Variants in ZNF407 observed in about 807,000 individuals in gnomAD.
ZNF407 encodes the protein zinc finger protein 407.
In ZNF407, 17 loss-of-function variants were observed where a neutral mutation model predicts 131.2. The observed-to-expected ratio is 0.13, with a 90% CI of 0.09 to 0.19. The LOEUF (loss-of-function observed/expected upper bound fraction) is 0.19, where lower values mean the gene tolerates loss of function less well. Ranked by LOEUF, ZNF407 falls within the 10% of genes least tolerant of loss-of-function variation. ZNF407 has a pLI of 1.00. For synonymous variants in ZNF407, 1,156 were observed against 1,062.0 expected, an observed-to-expected ratio of 1.09 and a Z score of -1.72; for missense variants, 2,681 against 2,830.6, an observed-to-expected ratio of 0.95 and a Z score of 1.20.
chr18:75,047,523 C>T (rs1259343050), intron 8 of ZNF407, among the ~76,000 whole-genome samples: 1 of 151,976 alleles, frequency 6.6e-6, no homozygotes. Context: ...GTAATAGAGG[C>T]TTTTCCAAGA....
At chr18:75,012,004 A>G (rs1246964112) in intron 8 of ZNF407, among the ~76,000 whole-genome samples, 1 of 152,186 alleles carries the variant, frequency 6.6e-6, no homozygotes, top group Non-Finnish European at 1.5e-5. Flanking sequence ...ATCATGTGAC[A>G]TATTAAAACT....
intron 8 of ZNF407, among the ~76,000 whole-genome samples, chr18:75,000,349 A>G (rs1972830604): frequency 6.6e-6 from 1 of 152,252 alleles, no homozygotes; most frequent in East Asian, 1.9e-4. Context: ...AACGGTTGTG[A>G]AAGTGTTTTG....
intron 1 of ZNF407, among the ~76,000 whole-genome samples, chr18:74,626,018 T>A (rs1427468231): frequency 3.9e-5 from 6 of 152,256 alleles, no homozygotes; most frequent in Non-Finnish European, 5.9e-5. Flanking sequence ...GAGGAAATGT[T>A]GGTTAAACAC....
intron 3 of ZNF407, among the ~76,000 whole-genome samples, chr18:74,774,276 G>T (rs1427677943): frequency 1.3e-5 from 2 of 152,054 alleles, no homozygotes; most frequent in African/African-American, 4.8e-5. Flanking sequence ...AGGAATGATA[G>T]AACATTGGTA....
chr18:74,635,806 C>T lies in ZNF407; in HGVS notation c.4687+100C>T, dbSNP rs571447603. ...CTGTGGCTGCTCATTGGCTTTCCAC[C>T]CGGTTCACATTTCACTGCCGTGTGC... On this transcript the variant is annotated intron_variant, in intron 2 of 8. Transcript: ENST00000299687. The surrounding 1 kb of genome is among the most constrained non-coding windows in gnomAD (Gnocchi z 4.7). The T allele has an allele frequency of 1.4e-6, 2 of 1,470,358 alleles. No homozygotes were observed. The highest frequency in any genetic ancestry group is 2.3e-5 in the Admixed American group (1 of 43,072). The allele number at this position is 1,470,358 out of a possible 1,614,324, so 91.1% of individuals were successfully genotyped here. A position where few individuals can be genotyped will look rare whatever the true frequency, so the allele number is the denominator to read the frequency against.
At chr18:74,781,220 A>G (rs543435495) in intron 3 of ZNF407, among the ~76,000 whole-genome samples, 48 of 152,264 alleles carry the variant, frequency 3.2e-4, no homozygotes, top group Non-Finnish European at 6.2e-4. Flanking sequence ...TCCAAGTCAA[A>G]ACTGAACCAG....
chr18:74,733,401 A>G (rs1025874438), intron 3 of ZNF407, among the ~76,000 whole-genome samples: 1 of 152,104 alleles, frequency 6.6e-6, no homozygotes, highest in African/African-American at 2.4e-5. Flanking sequence ...CTTCTTTCAA[A>G]AGTAACCCCA....
intron 8 of ZNF407, among the ~76,000 whole-genome samples, chr18:74,962,607 C>G (rs1177373906): frequency 2.0e-5 from 3 of 152,232 alleles, no homozygotes; most frequent in Non-Finnish European, 4.4e-5. Context: ...TACGGGTATA[C>G]GCCAAATATG....
chr18:75,002,342 T>C (rs1472232178), intron 8 of ZNF407, among the ~76,000 whole-genome samples: 1 of 152,172 alleles, frequency 6.6e-6, no homozygotes, highest in Non-Finnish European at 1.5e-5. Flanking sequence ...TCTCCCTCGC[T>C]AGGAGCCCTC....
chr18:74,660,574 C>T (rs899798510), intron 3 of ZNF407, among the ~76,000 whole-genome samples: 1 of 152,010 alleles, frequency 6.6e-6, no homozygotes, highest in Non-Finnish European at 1.5e-5. Flanking sequence ...CTAGAAACTA[C>T]ACGTTAGCAG....
intron 1 of ZNF407, among the ~76,000 whole-genome samples, chr18:74,611,025 T>G (rs1002579639): frequency 6.6e-6 from 1 of 152,252 alleles, no homozygotes; most frequent in Non-Finnish European, 1.5e-5. Context: ...CTAATGAATA[T>G]TCCATCACTT....
intron 1 of ZNF407, among the ~76,000 whole-genome samples, chr18:74,604,570 G>A (rs1310549753): frequency 6.6e-6 from 1 of 152,230 alleles, no homozygotes; most frequent in Non-Finnish European, 1.5e-5. Flanking sequence ...GGACATGAGA[G>A]CCACATCATG....
intron 4 of ZNF407, among the ~76,000 whole-genome samples, chr18:74,874,546 G>A (rs1369868882): frequency 6.6e-6 from 1 of 152,080 alleles, no homozygotes; most frequent in Non-Finnish European, 1.5e-5. Flanking sequence ...AGTCACAGCT[G>A]TTGAGGCCTG....
chr18:74,600,593 C>T (rs1982535791), intron 1 of ZNF407, among the ~76,000 whole-genome samples: 1 of 152,060 alleles, frequency 6.6e-6, no homozygotes, highest in Non-Finnish European at 1.5e-5. Flanking sequence ...CAAAAATGTC[C>T]AGCATAACCA....
intron 3 of ZNF407, among the ~76,000 whole-genome samples, chr18:74,686,910 C>A (rs1162493899): frequency 1.3e-5 from 2 of 152,188 alleles, no homozygotes; most frequent in Non-Finnish European, 2.9e-5. Flanking sequence ...TAAAATGCTT[C>A]ATTTAACAAA....
In ZNF407 at chr18:74,879,770, A is replaced by C. The variant is rs576611972; in HGVS notation, c.5045-1266A>C. 1.2e-4 allele frequency among the ~76,000 whole-genome samples: 19 copies of C among 152,334 alleles called. No individual in the cohort carries two copies. The East Asian group carries it at 3.1e-3, about 25-fold the overall frequency. On this transcript the variant is annotated intron_variant, in intron 5 of 8. Transcript: ENST00000299687. ...AACTTACCCTTAGGAAATAAGATTA[A>C]GCGTAATTTGGTTAAAACTCTCTTT...
Position 75,026,016 on chromosome 18 carries a change from C to T in ZNF407, c.5429-37134C>T, listed in dbSNP as rs147963061. On this transcript the variant is annotated intron_variant, in intron 8 of 8. Coordinates refer to ENST00000299687, the MANE Select transcript of ZNF407 (RefSeq NM_017757.3). ...AACATCCACTACGTAGAAGGTGTCT[C>T]TCACTTTAGAGTGTTGTCTTGCAGG... 5.6e-4 allele frequency among the ~76,000 whole-genome samples: 85 copies of T among 152,314 alleles called. No individual in the cohort carries two copies. In the Middle Eastern group the frequency reaches 0.01, roughly 18 times the overall value.
Position 75,048,994 on chromosome 18 carries a change from C to T in ZNF407, c.5429-14156C>T, listed in dbSNP as rs983358244. Among the ~76,000 whole-genome samples, 2 of 148,166 alleles carry T rather than the reference C, an allele frequency of 1.3e-5. No homozygotes were observed. The highest frequency in any genetic ancestry group is 3.0e-5 in the Non-Finnish European group (2 of 67,472). ...TTGGCTGGCCTGGATGCAGTGGGGGCAGTGCTGCCAGCCACGCTCCTTGAC... is the reference window on the plus strand; with the variant it reads ...TTGGCTGGCCTGGATGCAGTGGGGGTAGTGCTGCCAGCCACGCTCCTTGAC... On this transcript the variant is annotated intron_variant, in intron 8 of 8. Coordinates refer to ENST00000299687, the MANE Select transcript of ZNF407 (RefSeq NM_017757.3). The surrounding 1 kb of genome is among the most constrained non-coding windows in gnomAD (Gnocchi z 4.1).
chr18:74,814,251 A>T (rs769207692), intron 4 of ZNF407, among the ~76,000 whole-genome samples: 5 of 152,146 alleles, frequency 3.3e-5, no homozygotes, highest in South Asian at 2.1e-4. Context: ...CCTCCTTCTC[A>T]GCCTCCCAAG....
Sources: gnomAD v4.1 joint callset for allele counts (sites outside exome capture counted in the v4.1 genomes callset) on GRCh38, gnomAD v4.1.1 for gene constraint, Gnocchi (gnomAD v3.1) non-coding constraint, MANE v1.5 for transcripts, NCBI Gene and HGNC (gene_info 2026-07-23, HGNC 2026-07-21) for gene names.